The following STOML2 variants were observed in gnomAD, a reference collection of about 807,000 sequenced individuals.
STOML2 encodes the protein stomatin like 2.
In STOML2, 22 loss-of-function variants were observed where a neutral mutation model predicts 45.7. The ratio of observed to expected loss-of-function variants is 0.48; its 90% CI spans 0.34 to 0.69. STOML2 has a LOEUF of 0.69. Ranked by LOEUF, STOML2 falls within the 30% of genes least tolerant of loss-of-function variation. STOML2 has a pLI of 0.01. For missense variants in STOML2, 359 were observed against 466.9 expected, an observed-to-expected ratio of 0.77 and a Z score of 2.13; for synonymous variants, 181 against 182.7, an observed-to-expected ratio of 0.99 and a Z score of 0.08.
chr9:35,103,073 C>A lies in STOML2; in HGVS notation c.22G>T (p.Gly8Cys), dbSNP rs1245944656. 1.2e-6 allele frequency: 2 copies of A among 1,614,026 alleles called. No individual in the cohort carries two copies. Among genetic ancestry groups the A allele is most frequent in the South Asian group, 2.2e-5 (2 of 91,080 alleles). The change falls in exon 1 of 10, where the codon GGC becomes TGC. Residue 8 changes from glycine (G) to cysteine (C), a missense_variant. Around this residue, in one of 2 missense-constraint regions of STOML2, gnomAD observed 74 missense variants for 45.0 expected, o/e 1.65. Transcript: ENST00000356493. ...ACCCTCAGCAAAAGGGCCCCAGTGC[C>A]CCGCGCCGCGCGCGCCAGCATTTCC... MLARAAR[G>C]TGALLLRGSL...
At position 35,102,874 on chromosome 9, in the gene STOML2, C is replaced by T. The variant is rs373482475; in HGVS notation, c.46-51G>A. 44 of 1,599,536 alleles carry T rather than the reference C, an allele frequency of 2.8e-5. No homozygotes were observed. The highest frequency in any genetic ancestry group is 3.7e-5 in the Non-Finnish European group (43 of 1,172,184). On this transcript the variant is annotated intron_variant, in intron 1 of 9. Transcript: ENST00000356493. This position sits in a 1 kb window ranked among gnomAD's most constrained non-coding sequence, Gnocchi z 4.8. Reference sequence around the variant, plus strand: ...AGATCCCATCTGGCCAGACACGCCGCCCCTCGGTCCTGAAGGCATCTCCAT... The same window carrying T: ...AGATCCCATCTGGCCAGACACGCCGTCCCTCGGTCCTGAAGGCATCTCCAT...
In STOML2 at chr9:35,102,133, A is replaced by C. The variant is rs1415149829; in HGVS notation, c.245T>G (p.Ile82Ser). The change falls in exon 3 of 10, where the codon ATT becomes AGT. Residue 82 changes from isoleucine (I) to serine (S), a missense_variant. By Grantham distance (142) the Ile-to-Ser change is moderately radical. This residue lies in a region of STOML2 where 285 missense variants were observed against 422.0 expected (regional missense o/e 0.68). Transcript: ENST00000356493. This position sits in a 1 kb window ranked among gnomAD's most constrained non-coding sequence, Gnocchi z 4.8. ...RIRYVQSLKE[I>S]VINVPEQSAV... Reference sequence around the variant, plus strand: ...CGACTGCTCAGGCACGTTGATGACAATTTCCTTGAGACTCTGCACATATCG... The same window carrying C: ...CGACTGCTCAGGCACGTTGATGACACTTTCCTTGAGACTCTGCACATATCG... 1 of 1,613,872 alleles carries C rather than the reference A, an allele frequency of 6.2e-7. No individual in the cohort carries two copies. Among genetic ancestry groups the C allele is most frequent in the African/African-American group, 1.3e-5 (1 of 74,930 alleles).
chr9:35,102,717 C>G lies in STOML2; in HGVS notation c.152G>C (p.Arg51Pro), dbSNP rs983811316. The G allele has an allele frequency of 6.2e-7, 1 of 1,613,292 alleles. No homozygotes were observed. Among genetic ancestry groups the G allele is most frequent in the Admixed American group, 1.7e-5 (1 of 60,024 alleles). Residue 51 changes from arginine (R) to proline (P), a missense_variant, in exon 2 of 10, where the codon CGA becomes CCA. Around this residue, in one of 2 missense-constraint regions of STOML2, gnomAD observed 285 missense variants for 422.0 expected, o/e 0.68. Transcript: ENST00000356493. This position sits in a 1 kb window ranked among gnomAD's most constrained non-coding sequence, Gnocchi z 4.8. ...CAGGATCCGGTGGAATCGGCCCATTCGCTCCACCACCCAGGCCTCCTGCTG... is the reference window on the plus strand; with the variant it reads ...CAGGATCCGGTGGAATCGGCCCATTGGCTCCACCACCCAGGCCTCCTGCTG... ...VPQQEAWVVE[R>P]MGRFHRILEP...
chr9:35,103,044 T>C lies in STOML2; in HGVS notation c.45+6A>G, dbSNP rs773999554. 10 of 1,613,874 alleles carry C rather than the reference T, an allele frequency of 6.2e-6. No homozygotes were observed. The highest frequency in any genetic ancestry group is 7.6e-6 in the Non-Finnish European group (9 of 1,179,954). ...TGACCCTCTGGAAAGGTTGCCTCGC[T>C]CTCACCCTCAGCAAAAGGGCCCCAG... On this transcript the variant is annotated splice_donor_region_variant and intron_variant, in intron 1 of 9. Coordinates refer to ENST00000356493, the MANE Select transcript of STOML2 (RefSeq NM_013442.3).
Position 35,101,099 on chromosome 9 carries a change from G to A in STOML2, c.724+36C>T. ...CCAGCACCAATCTTCAAAGGCCCAT[G>A]CCTTGCTCCTCCCTCAGCCTCTACC... On this transcript the variant is annotated intron_variant, in intron 7 of 9. Coordinates refer to ENST00000356493, the MANE Select transcript of STOML2 (RefSeq NM_013442.3). This position sits in a 1 kb window ranked among gnomAD's most constrained non-coding sequence, Gnocchi z 4.3. 6.2e-7 allele frequency: 1 copy of A among 1,613,948 alleles called. No individual in the cohort carries two copies. The highest frequency in any genetic ancestry group is 8.5e-7 in the Non-Finnish European group (1 of 1,179,844).
rs1261723379 is a variant in STOML2, at chr9:35,101,877, AG to A, written c.342+26del. On this transcript the variant is annotated intron_variant, in intron 4 of 9. Coordinates refer to ENST00000356493, the MANE Select transcript of STOML2 (RefSeq NM_013442.3). The surrounding 1 kb of genome is among the most constrained non-coding windows in gnomAD (Gnocchi z 4.3). ...ATTTTAGTGAAGAGGGCAACTCAAA[AG>A]GCTGGATAAAGTAGGGGACAGGTAC... 1.2e-6 allele frequency: 2 copies of A among 1,614,168 alleles called. No homozygotes were observed. The highest frequency in any genetic ancestry group is 3.3e-5 in the Admixed American group (2 of 60,024).
rs1463633012 is a variant in STOML2 at position 35,101,083 on chromosome 9, A to G, written c.724+52T>C. On this transcript the variant is annotated intron_variant, in intron 7 of 9. Transcript: ENST00000356493. The surrounding 1 kb of genome is among the most constrained non-coding windows in gnomAD (Gnocchi z 4.3). Reference sequence around the variant, plus strand: ...CCCCAAAGATCCTGCCCCAGCACCAATCTTCAAAGGCCCATGCCTTGCTCC... The same window carrying G: ...CCCCAAAGATCCTGCCCCAGCACCAGTCTTCAAAGGCCCATGCCTTGCTCC... 1.9e-6 allele frequency: 3 copies of G among 1,612,800 alleles called. No individual in the cohort carries two copies. Among genetic ancestry groups the G allele is most frequent in the African/African-American group, 1.3e-5 (1 of 74,868 alleles).
chr9:35,099,875 C>T lies in STOML2; in HGVS notation c.*160G>A, dbSNP rs2131092396. 2.5e-6 allele frequency: 2 copies of T among 794,928 alleles called. No individual in the cohort carries two copies. The highest frequency in any genetic ancestry group is 3.9e-6 in the Non-Finnish European group (2 of 509,720). 49.2% of individuals were successfully genotyped at this position (794,928 alleles called of 1,614,324 possible). ...TAGTGACTTTCCCAACTTCATTCCCCAATCAAAGAGGACAGTTTCTGGTTT... is the reference window on the plus strand; with the variant it reads ...TAGTGACTTTCCCAACTTCATTCCCTAATCAAAGAGGACAGTTTCTGGTTT... On this transcript the variant is annotated 3_prime_UTR_variant, in exon 10 of 10. Transcript: ENST00000356493.
Position 35,101,648 on chromosome 9 carries a change from G to C in STOML2, c.444+62C>G. ...GGCCTGGGACTGATCTTGACCTTCA[G>C]AAAAGATTAAGAGTGTCAGGTTTGT... On this transcript the variant is annotated intron_variant, in intron 5 of 9. Coordinates refer to ENST00000356493, the MANE Select transcript of STOML2 (RefSeq NM_013442.3). The surrounding 1 kb of genome is among the most constrained non-coding windows in gnomAD (Gnocchi z 4.3). The C allele has an allele frequency of 1.2e-6, 2 of 1,613,724 alleles. No individual in the cohort carries two copies. The highest frequency in any genetic ancestry group is 1.7e-6 in the Non-Finnish European group (2 of 1,179,754).
rs745701591 is a variant in STOML2, at chr9:35,100,736, C to A, written c.805-10G>T. On this transcript the variant is annotated splice_polypyrimidine_tract_variant and intron_variant, in intron 8 of 9. Coordinates refer to ENST00000356493, the MANE Select transcript of STOML2 (RefSeq NM_013442.3). ...CTGCTGCATCTCCATTCTGTGATCA[C>A]AGGGGGATAAAAATCAGAGATCACC... The A allele has an allele frequency of 6.2e-7, 1 of 1,613,834 alleles. No homozygotes were observed. Among genetic ancestry groups the A allele is most frequent in the East Asian group, 2.2e-5 (1 of 44,866 alleles).
chr9:35,103,108 A>G lies in STOML2; in HGVS notation c.-14T>C. Reference sequence around the variant, plus strand: ...GCGCGCCAGCATTTCCCACCGCCGCAGCGACCTCCGGAACCAACGAGACGA... The same window carrying G: ...GCGCGCCAGCATTTCCCACCGCCGCGGCGACCTCCGGAACCAACGAGACGA... On this transcript the variant is annotated 5_prime_UTR_variant, in exon 1 of 10. Transcript: ENST00000356493. 6.2e-7 allele frequency: 1 copy of G among 1,612,566 alleles called. No individual in the cohort carries two copies. The highest frequency in any genetic ancestry group is 8.5e-7 in the Non-Finnish European group (1 of 1,179,798).
In STOML2 at chr9:35,102,610, G is replaced by A. The variant is rs1829845114; in HGVS notation, c.183+76C>T. The A allele has an allele frequency of 6.3e-7, 1 of 1,578,498 alleles. No homozygotes were observed. The highest frequency in any genetic ancestry group is 8.6e-7 in the Non-Finnish European group (1 of 1,163,908). On this transcript the variant is annotated intron_variant, in intron 2 of 9. Transcript: ENST00000356493. The surrounding 1 kb of genome is among the most constrained non-coding windows in gnomAD (Gnocchi z 4.8). ...GCTAACAGTGCGGGCAGGCCCAAAG[G>A]AAGTCCTCCCGACATTGCATGTCGT...
rs761108084 is a variant in STOML2, at chr9:35,101,785, C to T, written c.369G>A (p.Glu123=). 4 of 1,614,048 alleles carry T rather than the reference C, an allele frequency of 2.5e-6. No homozygotes were observed. Among genetic ancestry groups the T allele is most frequent in the Non-Finnish European group, 2.5e-6 (3 of 1,180,036 alleles). ...TTTGAGCTAGCTGGGTGACGGCATA[C>T]TCAGGGTCCTCCACACCGTAGCTTG... The part of the protein sequence containing the change: ...YKASYGVEDP[E]YAVTQLAQTT... The change falls in exon 5 of 10, where the codon GAG becomes GAA. Residue 123 remains glutamate (E), a synonymous_variant. Transcript: ENST00000356493. The surrounding 1 kb of genome is among the most constrained non-coding windows in gnomAD (Gnocchi z 4.3).
chr9:35,101,675 T>A lies in STOML2; in HGVS notation c.444+35A>T, dbSNP rs1368409984. The A allele has an allele frequency of 2.5e-6, 4 of 1,613,730 alleles. No homozygotes were observed. Among genetic ancestry groups the A allele is most frequent in the South Asian group, 1.1e-5 (1 of 91,062 alleles). On this transcript the variant is annotated intron_variant, in intron 5 of 9. Coordinates refer to ENST00000356493, the MANE Select transcript of STOML2 (RefSeq NM_013442.3). This position sits in a 1 kb window ranked among gnomAD's most constrained non-coding sequence, Gnocchi z 4.3. ...AAAGATTAAGAGTGTCAGGTTTGTG[T>A]CTTCAAACCCTAACTCTGGCTCAGA...
chr9:35,101,585 C>T lies in STOML2; in HGVS notation c.445-25G>A. The T allele has an allele frequency of 6.2e-7, 1 of 1,614,018 alleles. No homozygotes were observed. Among genetic ancestry groups the T allele is most frequent in the African/African-American group, 1.3e-5 (1 of 75,048 alleles). On this transcript the variant is annotated intron_variant, in intron 5 of 9. Coordinates refer to ENST00000356493, the MANE Select transcript of STOML2 (RefSeq NM_013442.3). The surrounding 1 kb of genome is among the most constrained non-coding windows in gnomAD (Gnocchi z 4.3). Reference sequence around the variant, plus strand: ...CCTGGAAAAAGAGGTGTAAGCCCCACAGCCTCAACCTACCTATCAAGGGCC... The same window carrying T: ...CCTGGAAAAAGAGGTGTAAGCCCCATAGCCTCAACCTACCTATCAAGGGCC...
Position 35,101,977 on chromosome 9 carries a change from G to A in STOML2, c.284-15C>T. On this transcript the variant is annotated splice_polypyrimidine_tract_variant and intron_variant, in intron 3 of 9. Coordinates refer to ENST00000356493, the MANE Select transcript of STOML2 (RefSeq NM_013442.3). This position sits in a 1 kb window ranked among gnomAD's most constrained non-coding sequence, Gnocchi z 4.3. ...AGTTACATTGTCTGTAGAACCAGGA[G>A]AGAAAACGGGGAAAGTCAGGCCTCT... 2 of 1,614,152 alleles carry A rather than the reference G, an allele frequency of 1.2e-6. No homozygotes were observed. The highest frequency in any genetic ancestry group is 1.7e-6 in the Non-Finnish European group (2 of 1,180,030).
At chr9:35,100,224 C>A in intron 9 of STOML2, 52 bp from the exon 10 acceptor site, 1 of 1,596,976 alleles carries the variant, frequency 6.3e-7, no homozygotes, top group South Asian at 1.1e-5. Flanking sequence ...AGAGGTGCAG[C>A]CCAGCCTACC....
Position 35,101,235 on chromosome 9 carries a change from C to T in STOML2, c.624G>A (p.Glu208=), listed in dbSNP as rs1460912614. ...CATTGATGGCCGACTCTCGGGTCCC[C>T]TCAGACTCTAGAACTGTGGCCCGTT... ...RRKRATVLES[E]GTRESAINVA... Residue 208 remains glutamate (E), a synonymous_variant, in exon 7 of 10, where the codon GAG becomes GAA. Transcript: ENST00000356493. This position sits in a 1 kb window ranked among gnomAD's most constrained non-coding sequence, Gnocchi z 4.3. The T allele has an allele frequency of 6.2e-7, 1 of 1,614,190 alleles. No individual in the cohort carries two copies. Among genetic ancestry groups the T allele is most frequent in the Admixed American group, 1.7e-5 (1 of 60,032 alleles).
In STOML2 at chr9:35,101,897, C is replaced by G. The variant is rs1829826369; in HGVS notation, c.342+7G>C. Reference sequence around the variant, plus strand: ...TCAAAAGGCTGGATAAAGTAGGGGACAGGTACCTTGTAAGGGTCCATGATG... The same window carrying G: ...TCAAAAGGCTGGATAAAGTAGGGGAGAGGTACCTTGTAAGGGTCCATGATG... On this transcript the variant is annotated splice_region_variant and intron_variant, in intron 4 of 9. Transcript: ENST00000356493. The surrounding 1 kb of genome is among the most constrained non-coding windows in gnomAD (Gnocchi z 4.3). The G allele has an allele frequency of 1.2e-6, 2 of 1,614,134 alleles. No homozygotes were observed. Among genetic ancestry groups the G allele is most frequent in the Non-Finnish European group, 1.7e-6 (2 of 1,180,036 alleles).
Sources: allele counts gnomAD v4.1 joint callset, GRCh38; gene constraint gnomAD v4.1.1; regional missense constraint gnomAD v4.1.1; non-coding constraint Gnocchi (gnomAD v3.1); transcripts MANE v1.5; gene names NCBI Gene and HGNC (gene_info 2026-07-23, HGNC 2026-07-21).